The following NCOA6 variants were observed in gnomAD, a reference collection of about 807,000 sequenced individuals.
The protein encoded by NCOA6 is nuclear receptor coactivator 6, also known as NRC RAP250.
Under a neutral mutation model 171.4 loss-of-function variants are expected in NCOA6, and 49 were observed. That is an observed-to-expected ratio of 0.29 (90% CI 0.23 to 0.36). The LOEUF (loss-of-function observed/expected upper bound fraction) is 0.36, where lower values mean the gene tolerates loss of function less well. NCOA6 is among the 10% of genes least tolerant of loss of function. The pLI is 1.00. For synonymous variants in NCOA6, 910 were observed against 927.5 expected (o/e 0.98, Z 0.34); for missense variants, 2,248 against 2,554.5 (o/e 0.88, Z 2.59).
intron 14 of NCOA6, among the ~76,000 whole-genome samples, chr20:34,721,430 G>C (rs1040151808): frequency 2.3e-5 from 2 of 86,838 alleles, no homozygotes; most frequent in Non-Finnish European, 4.6e-5. Context: ...TCATCTGGCT[G>C]TTCATTTCTA....
chr20:34,751,839 A>G (rs1461095169), intron 8 of NCOA6, among the ~76,000 whole-genome samples: 1 of 152,134 alleles, frequency 6.6e-6, no homozygotes, highest in African/African-American at 2.4e-5. Context: ...GTTTAACTGA[A>G]TAACTTTGTA....
chr20:34,729,994 G>A (rs1266918707), intron 13 of NCOA6, among the ~76,000 whole-genome samples: 3 of 152,194 alleles, frequency 2.0e-5, no homozygotes, highest in Admixed American at 6.5e-5. Context: ...GAGAGGTGGT[G>A]AAGATGGCTT....
At chr20:34,803,261 A>G (rs1295008453) in intron 1 of NCOA6, among the ~76,000 whole-genome samples, 1 of 152,144 alleles carries the variant, frequency 6.6e-6, no homozygotes, top group Non-Finnish European at 1.5e-5. Flanking sequence ...TGAGGTCAGG[A>G]GTTCAAGACC....
intron 1 of NCOA6, among the ~76,000 whole-genome samples, chr20:34,802,093 AG>A (rs1347017575): frequency 6.6e-6 from 1 of 152,266 alleles, no homozygotes; most frequent in Non-Finnish European, 1.5e-5. Context: ...CATCAAAAAA[AG>A]ATGATAGACA....
At position 34,743,369 on chromosome 20, in the gene NCOA6, G is replaced by A. The variant is rs959060028; in HGVS notation, c.2915-28C>T. The stretch of plus-strand genomic sequence containing the variant: ...AAAACAAGCCCCCCAAATTAGGGAA[G>A]TTAGATTTTTCAGCAAGAAAATGTT... On this transcript the variant is annotated intron_variant, in intron 10 of 14. Coordinates refer to ENST00000359003, the MANE Select transcript of NCOA6 (RefSeq NM_014071.5). 3.2e-6 allele frequency: 5 copies of A among 1,567,514 alleles called. No homozygotes were observed. The Admixed American group carries it at 5.4e-5, about 17-fold the overall frequency.
Position 34,741,399 on chromosome 20 carries a change from G to C in NCOA6, c.4857C>G (p.His1619Gln). Residue 1619 changes from histidine to glutamine, a missense_variant, in exon 11 of 15, where the codon CAC (histidine) becomes CAG (glutamine). His to Gln is a conservative substitution (Grantham distance 24). Coordinates refer to ENST00000359003, the MANE Select transcript of NCOA6 (RefSeq NM_014071.5). ...SANTSAALPT[H>Q]LQSALMSTVV... ...CTGTTGACATCAATGCAGACTGCAA[G>C]TGAGTTGGCAAAGCTGCTGATGTGT... The C allele has an allele frequency of 6.2e-7, 1 of 1,614,248 alleles. No homozygotes were observed. Among genetic ancestry groups the C allele is most frequent in the Non-Finnish European group, 8.5e-7 (1 of 1,180,032 alleles).
At position 34,758,810 on chromosome 20, in the gene NCOA6, T is replaced by C; in HGVS notation, c.638A>G (p.Gln213Arg). The C allele has an allele frequency of 6.2e-7, 1 of 1,612,490 alleles. No individual in the cohort carries two copies. The highest frequency in any genetic ancestry group is 8.5e-7 in the Non-Finnish European group (1 of 1,179,566). ...LQPRTPRPASQSDAMDPLLSG... is the reference protein window; with the variant it reads ...LQPRTPRPASRSDAMDPLLSG... ...CAAAGATTGGAAGTCATTACCTGACTGAGAAGCAGGGCGAGGAGTCCTGGG... is the reference window on the plus strand; with the variant it reads ...CAAAGATTGGAAGTCATTACCTGACCGAGAAGCAGGGCGAGGAGTCCTGGG... Residue 213 changes from glutamine (Q) to arginine (R), a missense_variant, in exon 6 of 15, where the codon CAG (glutamine) becomes CGG (arginine). By Grantham distance (43) the Gln-to-Arg change is conservative (BLOSUM62 1). Transcript: ENST00000359003.
At chr20:34,752,625 G>A (rs935482239) in intron 8 of NCOA6, among the ~76,000 whole-genome samples, 3 of 152,020 alleles carry the variant, frequency 2.0e-5, no homozygotes, top group Non-Finnish European at 4.4e-5. Flanking sequence ...GATAAATGGG[G>A]AAACCAAAAC....
At chr20:34,807,173 A>G (rs2078481640) in intron 1 of NCOA6, among the ~76,000 whole-genome samples, 1 of 152,184 alleles carries the variant, frequency 6.6e-6, no homozygotes, top group African/African-American at 2.4e-5. Flanking sequence ...AGCTACATGG[A>G]AAGGAATTCA....
At position 34,753,446 on chromosome 20, in the gene NCOA6, G is replaced by C. The variant is rs982739972; in HGVS notation, c.1675+1276C>G. Among the ~76,000 whole-genome samples, 2 of 151,850 alleles carry C rather than the reference G, an allele frequency of 1.3e-5. 1 individual carries two copies. Among genetic ancestry groups the C allele is most frequent in the Non-Finnish European group, 2.9e-5 (2 of 67,954 alleles). ...GGAGGCCAAGGCAGGTGGATCATGA[G>C]GTCAGGAGTTCAAAGACCAGCCTGG... On this transcript the variant is annotated intron_variant, in intron 8 of 14. Transcript: ENST00000359003.
In NCOA6 at chr20:34,730,799, G is replaced by A. The variant is rs1042696405; in HGVS notation, c.5999+1760C>T. On this transcript the variant is annotated intron_variant, in intron 13 of 14. Coordinates refer to ENST00000359003, the MANE Select transcript of NCOA6 (RefSeq NM_014071.5). ...CACGACCATGGCTCACTGCAACCTC[G>A]ACCTCCCTGGGCTCAGGTGATCCTC... is the stretch of plus-strand genomic sequence containing the variant. Among the ~76,000 whole-genome samples, 6 of 142,262 alleles carry A rather than the reference G, an allele frequency of 4.2e-5. No individual in the cohort carries two copies. In the South Asian group the frequency reaches 9.1e-4, roughly 21 times the overall value. 93.3% of individuals were successfully genotyped at this position (142,262 alleles called of 152,430 possible).
chr20:34,771,523 T>C (rs1404106776), intron 4 of NCOA6, among the ~76,000 whole-genome samples: 1 of 152,196 alleles, frequency 6.6e-6, no homozygotes, highest in African/African-American at 2.4e-5. Context: ...ACAGCGCACG[T>C]CAGTTTTAAC....
intron 1 of NCOA6, among the ~76,000 whole-genome samples, chr20:34,804,313 G>A (rs955143688): frequency 6.6e-5 from 10 of 152,026 alleles, no homozygotes; most frequent in African/African-American, 2.4e-4. Context: ...CTCCAGCCTG[G>A]GTGACAGAGG....
chr20:34,775,265 G>A (rs1435947646), intron 4 of NCOA6, among the ~76,000 whole-genome samples: 1 of 152,060 alleles, frequency 6.6e-6, no homozygotes, highest in African/African-American at 2.4e-5. Context: ...CCAAGAGATA[G>A]CAGGATTTTA....
chr20:34,728,284 C>CA (rs1022827882), intron 13 of NCOA6, among the ~76,000 whole-genome samples: 2 of 152,134 alleles, frequency 1.3e-5, no homozygotes, highest in Non-Finnish European at 2.9e-5. Context: ...GTCCACACCC[C>CA]AACCCCCTTT....
chr20:34,722,753 A>T (rs1989526932), intron 14 of NCOA6, among the ~76,000 whole-genome samples: 1 of 151,770 alleles, frequency 6.6e-6, no homozygotes, highest in Non-Finnish European at 1.5e-5. Context: ...TGGGAGGCCG[A>T]GGCAAGTGAA....
In NCOA6 at chr20:34,757,288, G is replaced by A. The variant is rs2076669725; in HGVS notation, c.1460C>T (p.Pro487Leu). Reference protein sequence around the residue: ...NPMVQQGNVPPNFMVMQQQPP... With the variant: ...NPMVQQGNVPLNFMVMQQQPP... ...TTGCTGCTGCATCACCATGAAGTTA[G>A]GTGGCACATTTCCCTGTTGAACCAT... Residue 487 changes from proline to leucine, a missense_variant, in exon 7 of 15, where the codon CCT (proline) becomes CTT (leucine). Pro to Leu is a moderately conservative substitution (Grantham distance 98). Coordinates refer to ENST00000359003, the MANE Select transcript of NCOA6 (RefSeq NM_014071.5). 1 of 1,613,624 alleles carries A rather than the reference G, an allele frequency of 6.2e-7. No individual in the cohort carries two copies. The highest frequency in any genetic ancestry group is 2.2e-5 in the East Asian group (1 of 44,876).
rs1473734942 is a variant in NCOA6 at position 34,742,651 on chromosome 20, G to A, written c.3605C>T (p.Ala1202Val). The part of the protein sequence containing the change: ...SHGHHFPNVA[A>V]PTQTSRPKTP... Reference sequence around the variant, plus strand: ...TTTGGGCCTAGATGTCTGGGTTGGCGCAGCCACATTTGGGAAGTGGTGGCC... The same window carrying A: ...TTTGGGCCTAGATGTCTGGGTTGGCACAGCCACATTTGGGAAGTGGTGGCC... The change falls in exon 11 of 15, where the codon GCG (alanine) becomes GTG (valine). Residue 1202 changes from alanine to valine, a missense_variant. Ala to Val is a moderately conservative substitution (Grantham distance 64). Coordinates refer to ENST00000359003, the MANE Select transcript of NCOA6 (RefSeq NM_014071.5). 6.2e-6 allele frequency: 10 copies of A among 1,614,174 alleles called. No homozygotes were observed. Among genetic ancestry groups the A allele is most frequent in the African/African-American group, 1.3e-5 (1 of 75,044 alleles).
intron 3 of NCOA6, among the ~76,000 whole-genome samples, chr20:34,781,194 AAAC>A (rs1215855687): frequency 1.3e-5 from 2 of 152,216 alleles, no homozygotes; most frequent in African/African-American, 4.8e-5. Context: ...GCAGTTGAAA[AAAC>A]AACAGCTTCC....
Sources: gnomAD v4.1 joint callset for allele counts (sites outside exome capture counted in the v4.1 genomes callset) on GRCh38, gnomAD v4.1.1 for gene constraint, MANE v1.5 for transcripts, NCBI Gene and HGNC (gene_info 2026-07-23, HGNC 2026-07-21) for gene names.